TRPS1: variants seen among roughly 807,000 people sequenced by gnomAD.
TRPS1 encodes zinc finger transcription factor Trps1.
TRPS1 carries 6 observed loss-of-function variants against 101.2 expected under a neutral mutation model. The observed-to-expected ratio is 0.06, with a 90% CI of 0.03 to 0.12. The LOEUF (loss-of-function observed/expected upper bound fraction) is 0.12, where lower values mean the gene tolerates loss of function less well. Ranked by LOEUF, TRPS1 falls within the 10% of genes least tolerant of loss-of-function variation. The pLI is 1.00. For synonymous variants in TRPS1, 578 were observed against 589.8 expected, an observed-to-expected ratio of 0.98 and a Z score of 0.29; for missense variants, 1,363 against 1,567.0, an observed-to-expected ratio of 0.87 and a Z score of 2.20.
intron 5 of TRPS1, among the ~76,000 whole-genome samples, chr8:115,421,215 T>C (rs1813045274): frequency 6.6e-6 from 1 of 151,798 alleles, no homozygotes; most frequent in Non-Finnish European, 1.5e-5. Flanking sequence ...AAACTCCCAA[T>C]CTCAAGTGAT....
chr8:115,430,402 T>C (rs1813289730), intron 5 of TRPS1, among the ~76,000 whole-genome samples: 1 of 152,062 alleles, frequency 6.6e-6, no homozygotes, highest in Admixed American at 6.6e-5. Flanking sequence ...GATAGCTTAA[T>C]TGAATTGACC....
intron 5 of TRPS1, among the ~76,000 whole-genome samples, chr8:115,546,918 AC>A (rs982319373): frequency 2.6e-5 from 4 of 152,120 alleles, no homozygotes; most frequent in African/African-American, 7.2e-5. Context: ...TCAAAGAAAA[AC>A]GTCCCAATCC....
At chr8:115,534,808 T>C (rs184912462) in intron 5 of TRPS1, among the ~76,000 whole-genome samples, 129 of 152,252 alleles carry the variant, frequency 8.5e-4, no homozygotes, top group African/African-American at 3.0e-3. Flanking sequence ...CTACATTACT[T>C]AATCCTTTCC....
chr8:115,546,583 C>CACAT (rs1816579239), intron 5 of TRPS1, among the ~76,000 whole-genome samples: 1 of 147,392 alleles, frequency 6.8e-6, no homozygotes, highest in South Asian at 2.1e-4. Context: ...TAAAATGTGA[C>CACAT]ACACACACAC....
At chr8:115,596,008 A>G (rs1438847884) in intron 4 of TRPS1, among the ~76,000 whole-genome samples, 2 of 151,906 alleles carry the variant, frequency 1.3e-5, no homozygotes, top group East Asian at 3.9e-4. Context: ...TTTTAAAAAT[A>G]TGACACATAA....
At chr8:115,564,180 G>T (rs776579477) in intron 5 of TRPS1, among the ~76,000 whole-genome samples, 1 of 151,930 alleles carries the variant, frequency 6.6e-6, no homozygotes, top group Non-Finnish European at 1.5e-5. Context: ...AAATAGCAGC[G>T]ATTAAATACA....
intron 5 of TRPS1, among the ~76,000 whole-genome samples, chr8:115,449,213 G>C (rs1330739156): frequency 6.6e-6 from 1 of 151,992 alleles, no homozygotes; most frequent in Non-Finnish European, 1.5e-5. Flanking sequence ...TAACTATTAA[G>C]AACTTCTCTA....
chr8:115,547,293 C>A (rs988330945), intron 5 of TRPS1, among the ~76,000 whole-genome samples: 1 of 152,038 alleles, frequency 6.6e-6, no homozygotes, highest in African/African-American at 2.4e-5. Context: ...CTCTACCTCT[C>A]GCCCTCCCCT....
intron 5 of TRPS1, among the ~76,000 whole-genome samples, chr8:115,421,134 G>A (rs912890243): frequency 5.9e-5 from 9 of 151,918 alleles, no homozygotes; most frequent in South Asian, 2.1e-4. Context: ...ACAGGCATGC[G>A]CCACCATGAC....
chr8:115,571,905 G>A (rs1465308605), intron 5 of TRPS1, among the ~76,000 whole-genome samples: 3 of 151,562 alleles, frequency 2.0e-5, no homozygotes, highest in African/African-American at 7.3e-5. Context: ...CTAAGTAGTA[G>A]GGCTATTTTT....
At chr8:115,482,021 G>T (rs1448697240) in intron 5 of TRPS1, among the ~76,000 whole-genome samples, 1 of 152,188 alleles carries the variant, frequency 6.6e-6, no homozygotes, top group Non-Finnish European at 1.5e-5. Context: ...TGCTAAGGAA[G>T]TACAGAGGAG....
At chr8:115,629,729 T>C (rs1454312285) in intron 1 of TRPS1, among the ~76,000 whole-genome samples, 2 of 151,906 alleles carry the variant, frequency 1.3e-5, no homozygotes, top group East Asian at 3.9e-4. Context: ...CTTCAGTTCA[T>C]ATAGTTACAA....
At chr8:115,491,945 A>G (rs1322694551) in intron 5 of TRPS1, among the ~76,000 whole-genome samples, 1 of 152,222 alleles carries the variant, frequency 6.6e-6, no homozygotes, top group African/African-American at 2.4e-5. Context: ...CAAATATCCT[A>G]GGGATATGGC....
intron 5 of TRPS1, among the ~76,000 whole-genome samples, chr8:115,492,946 C>T (rs1439004027): frequency 3.9e-5 from 6 of 152,086 alleles, no homozygotes; most frequent in Non-Finnish European, 7.3e-5. Flanking sequence ...AACACTTGAC[C>T]TCAAGTGATC....
At chr8:115,667,630 G>A (rs1396357057) in intron 1 of TRPS1, among the ~76,000 whole-genome samples, 4 of 152,196 alleles carry the variant, frequency 2.6e-5, no homozygotes, top group Admixed American at 6.5e-5. Context: ...CCTGCCACAT[G>A]GTACGGACAG....
At chr8:115,662,394 A>G (rs1349571251) in intron 1 of TRPS1, among the ~76,000 whole-genome samples, 1 of 152,070 alleles carries the variant, frequency 6.6e-6, no homozygotes, top group Non-Finnish European at 1.5e-5. Flanking sequence ...GTCCACGACA[A>G]GTAACCGTAA....
At chr8:115,640,939 C>A (rs946164849) in intron 1 of TRPS1, among the ~76,000 whole-genome samples, 3 of 152,160 alleles carry the variant, frequency 2.0e-5, no homozygotes, top group African/African-American at 7.2e-5. Flanking sequence ...TGGCAGCCAG[C>A]AGGTCGGAAG....
intron 5 of TRPS1, among the ~76,000 whole-genome samples, chr8:115,563,019 T>A (rs1319483187): frequency 3.3e-5 from 5 of 151,702 alleles, no homozygotes; most frequent in African/African-American, 1.2e-4. Flanking sequence ...TCGAGTAGAT[T>A]AAATGCAAAG....
At chr8:115,589,791 T>C (rs1817641208) in intron 4 of TRPS1, among the ~76,000 whole-genome samples, 1 of 152,146 alleles carries the variant, frequency 6.6e-6, no homozygotes, top group Non-Finnish European at 1.5e-5. Flanking sequence ...CTAGAACCTC[T>C]GTGGAGCTCA....
Sources: gnomAD v4.1 joint callset for allele counts (sites outside exome capture counted in the v4.1 genomes callset) on GRCh38, gnomAD v4.1.1 for gene constraint, MANE v1.5 for transcripts, NCBI Gene and HGNC (gene_info 2026-07-23, HGNC 2026-07-21) for gene names.